TCF4: variants seen among roughly 807,000 people sequenced by gnomAD.
TCF4 encodes transcription factor 4.
TCF4 carries 3 observed loss-of-function variants against 82.1 expected under a neutral mutation model. The observed-to-expected ratio is 0.04, with a 90% CI of 0.02 to 0.09. The LOEUF is 0.09. Ranked by LOEUF, TCF4 falls within the 10% of genes least tolerant of loss-of-function variation. TCF4 has a pLI of 1.00. For synonymous variants in TCF4, 276 were observed against 309.6 expected, an observed-to-expected ratio of 0.89 and a Z score of 1.14; for missense variants, 518 against 852.7, an observed-to-expected ratio of 0.61 and a Z score of 4.89.
chr18:55,237,889 G>T (rs945999594), intron 15 of TCF4, among the ~76,000 whole-genome samples: 1 of 152,174 alleles, frequency 6.6e-6, no homozygotes, highest in African/African-American at 2.4e-5. Flanking sequence ...AAGAGACAAG[G>T]GAAGAAACAC....
intron 15 of TCF4, among the ~76,000 whole-genome samples, chr18:55,253,922 T>C (rs1485791362): frequency 2.0e-5 from 3 of 152,176 alleles, no homozygotes; most frequent in East Asian, 1.9e-4. Flanking sequence ...AAGGGAAACA[T>C]GTGTCTGCAC....
intron 3 of TCF4, among the ~76,000 whole-genome samples, chr18:55,506,962 A>C (rs1435525612): frequency 6.6e-6 from 1 of 151,236 alleles, no homozygotes; most frequent in Non-Finnish European, 1.5e-5. Flanking sequence ...TCTCAGACTC[A>C]AGCAATTCTC....
intron 8 of TCF4, among the ~76,000 whole-genome samples, chr18:55,298,070 C>A (rs1335457807): frequency 1.3e-5 from 2 of 152,148 alleles, no homozygotes; most frequent in African/African-American, 4.8e-5. Flanking sequence ...GGCTCCTCTG[C>A]AAGCTTTCCT....
chr18:55,400,895 G>A (rs774672877), intron 6 of TCF4: 2 of 1,171,868 alleles, frequency 1.7e-6, no homozygotes, highest in Non-Finnish European at 2.3e-6. Flanking sequence ...CGATAAAGCA[G>A]CTTTTGGAGC....
intron 15 of TCF4, among the ~76,000 whole-genome samples, chr18:55,242,423 C>T (rs184199855): frequency 9.9e-5 from 15 of 152,280 alleles, no homozygotes; most frequent in Admixed American, 9.8e-4. Context: ...GACACAAATG[C>T]TATGGATCTG....
chr18:55,243,661 G>GA (rs534007268), intron 15 of TCF4, among the ~76,000 whole-genome samples: 84 of 152,174 alleles, frequency 5.5e-4, no homozygotes, highest in African/African-American at 1.9e-3. Flanking sequence ...AATATCTCAT[G>GA]AAAGGTCTTT....
chr18:55,547,430 T>C (rs1166346620), intron 3 of TCF4, among the ~76,000 whole-genome samples: 1 of 152,224 alleles, frequency 6.6e-6, no homozygotes, highest in Non-Finnish European at 1.5e-5. Flanking sequence ...TGAAAACATT[T>C]ATTAAAATTT....
At chr18:55,379,239 AG>A (rs1450974524) in intron 6 of TCF4, among the ~76,000 whole-genome samples, 1 of 152,208 alleles carries the variant, frequency 6.6e-6, no homozygotes, top group Non-Finnish European at 1.5e-5. Flanking sequence ...AGGGTGCGAA[AG>A]GAAGGCTGAA....
chr18:55,577,155 T>C (rs1012406326), intron 3 of TCF4, among the ~76,000 whole-genome samples: 1 of 144,528 alleles, frequency 6.9e-6, no homozygotes, highest in Non-Finnish European at 1.5e-5. Flanking sequence ...TATATTTATA[T>C]ATGTATATAT....
At chr18:55,335,791 T>C (rs2078504340) in intron 8 of TCF4, among the ~76,000 whole-genome samples, 1 of 152,078 alleles carries the variant, frequency 6.6e-6, no homozygotes, top group African/African-American at 2.4e-5. Context: ...ATACTTAAAC[T>C]AAAAAGATCA....
intron 5 of TCF4, among the ~76,000 whole-genome samples, chr18:55,429,449 C>G (rs2095106487): frequency 6.6e-6 from 1 of 152,188 alleles, no homozygotes; most frequent in Admixed American, 6.5e-5. Flanking sequence ...ACTTCCATCT[C>G]TTCCATGAGA....
At chr18:55,237,216 T>C (rs1421885711) in intron 15 of TCF4, among the ~76,000 whole-genome samples, 1 of 152,098 alleles carries the variant, frequency 6.6e-6, no homozygotes, top group African/African-American at 2.4e-5. Context: ...CCCTCAAAAC[T>C]CAAGCTATCT....
intron 2 of TCF4, among the ~76,000 whole-genome samples, chr18:55,616,032 G>GAGT (rs1237577102): frequency 1.3e-5 from 2 of 151,966 alleles, no homozygotes; most frequent in Non-Finnish European, 2.9e-5. Context: ...AGTGCACATA[G>GAGT]AGTATTGTGA....
At chr18:55,233,455 T>C (rs1324356052) in intron 16 of TCF4, among the ~76,000 whole-genome samples, 7 of 152,312 alleles carry the variant, frequency 4.6e-5, no homozygotes, top group Non-Finnish European at 1.0e-4. Context: ...ATGCTCAGGT[T>C]GTGCTTATGT....
intron 15 of TCF4, among the ~76,000 whole-genome samples, chr18:55,248,378 T>C (rs1321472819): frequency 6.6e-6 from 1 of 152,240 alleles, no homozygotes; most frequent in East Asian, 1.9e-4. Context: ...TTATCAACTT[T>C]ATCAACTGAA....
At chr18:55,237,573 A>G (rs1599676746) in intron 15 of TCF4, among the ~76,000 whole-genome samples, 2 of 150,076 alleles carry the variant, frequency 1.3e-5, no homozygotes, top group Admixed American at 1.3e-4. Flanking sequence ...AGGTTCAAGC[A>G]ATTCTCCTGT....
chr18:55,358,395 TAAG>T (rs900255425), intron 6 of TCF4, among the ~76,000 whole-genome samples: 22 of 152,300 alleles, frequency 1.4e-4, no homozygotes, highest in African/African-American at 4.8e-4. Flanking sequence ...GATGTGAATA[TAAG>T]AAGAGTGGCA....
chr18:55,276,117 C>T (rs2061459983), intron 9 of TCF4, among the ~76,000 whole-genome samples: 1 of 152,000 alleles, frequency 6.6e-6, no homozygotes, highest in African/African-American at 2.4e-5. Flanking sequence ...TGTTCCTAAA[C>T]TTTGGGGTGA....
chr18:55,398,465 C>G (rs1012087150), intron 6 of TCF4, among the ~76,000 whole-genome samples: 17 of 152,212 alleles, frequency 1.1e-4, no homozygotes, highest in African/African-American at 3.9e-4. Context: ...TCAGGCCTTT[C>G]CAGATATACA....
Sources: gnomAD v4.1 joint callset for allele counts (sites outside exome capture counted in the v4.1 genomes callset) on GRCh38, gnomAD v4.1.1 for gene constraint, MANE v1.5 for transcripts, NCBI Gene and HGNC (gene_info 2026-07-23, HGNC 2026-07-21) for gene names.